The following RABL6 variants were observed in gnomAD, a reference collection of about 807,000 sequenced individuals.
The protein encoded by RABL6 is rab-like protein 6.
RABL6 carries 28 observed loss-of-function variants against 72.9 expected under a neutral mutation model. The ratio of observed to expected loss-of-function variants is 0.38; its 90% CI spans 0.28 to 0.53. RABL6 has a LOEUF of 0.53. Among genes scored for constraint, RABL6 ranks in the 20% least tolerant of loss-of-function variants. The pLI, the probability that RABL6 is intolerant of heterozygous loss-of-function variation, is 0.80. For synonymous variants in RABL6, 477 were observed against 421.2 expected (o/e 1.13, Z -1.62); for missense variants, 1,029 against 1,008.4 (o/e 1.02, Z -0.28).
intron 5 of RABL6, among the ~76,000 whole-genome samples, chr9:136,829,886 G>A (rs576420434): frequency 6.1e-4 from 93 of 152,346 alleles, no homozygotes; most frequent in African/African-American, 1.8e-3. Flanking sequence ...AGATGACAGC[G>A]AAATCAGCTA....
At chr9:136,820,200 C>CA (rs34975162) in intron 1 of RABL6, among the ~76,000 whole-genome samples, 1,123 of 77,360 alleles carry the variant, frequency 0.015, 4 homozygotes, top group Middle Eastern at 0.023. Context: ...CTCCATCTTC[C>CA]AAAAAAAAAA....
chr9:136,816,752 T>G (rs1848128307), intron 1 of RABL6, among the ~76,000 whole-genome samples: 1 of 151,342 alleles, frequency 6.6e-6, no homozygotes, highest in Non-Finnish European at 1.5e-5. Context: ...TTTAAAATAA[T>G]TAAATCAGAT....
At chr9:136,808,438 T>G in intron 1 of RABL6, 112 bp downstream of exon 1, 1 of 1,154,216 alleles carries the variant, frequency 8.7e-7, no homozygotes, top group Non-Finnish European at 1.1e-6. Context: ...GGTTGTGGGG[T>G]GCGCTGGGCC....
At chr9:136,832,158 G>T in intron 6 of RABL6, 107 bp from the exon 7 acceptor site, 1 of 1,098,564 alleles carries the variant, frequency 9.1e-7, no homozygotes, top group Non-Finnish European at 1.4e-6. Context: ...TCAGGAGCCT[G>T]CAGGAGGAGG....
intron 1 of RABL6, among the ~76,000 whole-genome samples, chr9:136,822,445 G>A (rs1848258271): frequency 6.6e-6 from 1 of 152,162 alleles, no homozygotes; most frequent in Non-Finnish European, 1.5e-5. Flanking sequence ...AGAAGCTCTC[G>A]GGGTCTGCCC....
At chr9:136,838,100 G>T in intron 10 of RABL6, 85 bp downstream of exon 10, 2 of 1,489,116 alleles carry the variant, frequency 1.3e-6, no homozygotes, top group South Asian at 2.5e-5. Context: ...CTTTCTAGGG[G>T]CGCAGAAGGG....
At position 136,839,464 on chromosome 9, in the gene RABL6, G is replaced by C; in HGVS notation, c.1736G>C (p.Gly579Ala). 1 of 1,612,490 alleles carries C rather than the reference G, an allele frequency of 6.2e-7. No individual in the cohort carries two copies. Among genetic ancestry groups the C allele is most frequent in the Non-Finnish European group, 8.5e-7 (1 of 1,179,676 alleles). Reference sequence around the variant, plus strand: ...GATGACCCCGACTTTGAGAGCGAGGGATCAGACACACAGCGCAGGGCGGTA... The same window carrying C: ...GATGACCCCGACTTTGAGAGCGAGGCATCAGACACACAGCGCAGGGCGGTA... ...VMDDPDFESE[G>A]SDTQRRADDF... The change falls in exon 12 of 15, where the codon GGA (glycine) becomes GCA (alanine). Residue 579 changes from glycine to alanine, a missense_variant. This residue lies in a region of RABL6 where 595 missense variants were observed against 472.4 expected (regional missense o/e 1.26). Transcript: ENST00000311502.
chr9:136,818,021 C>G (rs1287505982), intron 1 of RABL6, among the ~76,000 whole-genome samples: 2 of 137,670 alleles, frequency 1.5e-5, no homozygotes, highest in Admixed American at 1.6e-4. Context: ...GAGATCGCGC[C>G]GCTGCACTCC....
At position 136,821,816 on chromosome 9, in the gene RABL6, A is replaced by G. The variant is rs1848243780; in HGVS notation, c.131-1709A>G. ...TCTCCGCGGGAGAGGGAGGGGAACG[A>G]GGGCCCAGCCTTCCGCGGGGTGGGC... is the stretch of plus-strand genomic sequence containing the variant. On this transcript the variant is annotated intron_variant, in intron 1 of 14. Transcript: ENST00000311502. 4.2e-6 allele frequency: 5 copies of G among 1,181,472 alleles called. No homozygotes were observed. The East Asian group carries it at 2.1e-4, about 49-fold the overall frequency. 73.2% of individuals were successfully genotyped at this position (1,181,472 alleles called of 1,614,324 possible).
At chr9:136,836,015 G>C in intron 8 of RABL6, 170 bp downstream of exon 8, 1 of 622,296 alleles carries the variant, frequency 1.6e-6, no homozygotes, top group South Asian at 2.0e-5. Flanking sequence ...ACTGCCCCCA[G>C]CAGCCCCCCC....
chr9:136,832,878 G>A (rs1432866006), intron 7 of RABL6: 1 of 319,828 alleles, frequency 3.1e-6, no homozygotes, highest in Non-Finnish European at 6.1e-6. Context: ...ACTTTCCTTT[G>A]TAGAAACAAG....
In RABL6 at chr9:136,841,104, C is replaced by T; in HGVS notation, c.*582C>T. On this transcript the variant is annotated 3_prime_UTR_variant, in exon 15 of 15. Transcript: ENST00000311502. ...CACAGTGGCCTCAGCTGCGCCCCCG[C>T]TCAGGTGAGCCCGAAGGCAGGAGCC... The T allele has an allele frequency of 3.0e-6, 4 of 1,344,036 alleles. No homozygotes were observed. The highest frequency in any genetic ancestry group is 2.9e-6 in the Non-Finnish European group (3 of 1,034,988). 83.3% of individuals were successfully genotyped at this position (1,344,036 alleles called of 1,614,324 possible).
rs758669107 is a variant in RABL6, at chr9:136,837,892, C to T, written c.1157C>T (p.Thr386Met). 91 of 1,550,564 alleles carry T rather than the reference C, an allele frequency of 5.9e-5. No homozygotes were observed. The highest frequency in any genetic ancestry group is 2.4e-4 in the South Asian group (20 of 84,078). ...GTCCCGGCCGCAGAGGGCCCAGCAA[C>T]GGTCCAGAGTGTGGAGGACTTTGTT... ...EPVPAAEGPA[T>M]VQSVEDFVPD... The change falls in exon 10 of 15, where the codon ACG becomes ATG. Residue 386 changes from threonine (T) to methionine (M), a missense_variant. Physicochemically the swap from Thr to Met is moderately conservative, Grantham distance 81. Coordinates refer to ENST00000311502, the MANE Select transcript of RABL6 (RefSeq NM_024718.5).
Position 136,829,503 on chromosome 9 carries a change from G to C in RABL6, c.458+19G>C. ...AGCAGTGGTAAGAGGGAGCTGGCGG[G>C]GGCAGCTGCCTGTGACTCTCACCCC... is the stretch of plus-strand genomic sequence containing the variant. On this transcript the variant is annotated intron_variant, in intron 5 of 14. Coordinates refer to ENST00000311502, the MANE Select transcript of RABL6 (RefSeq NM_024718.5). The C allele has an allele frequency of 6.4e-7, 1 of 1,555,834 alleles. No homozygotes were observed. The highest frequency in any genetic ancestry group is 1.2e-5 in the South Asian group (1 of 84,696).
intron 1 of RABL6, chr9:136,808,965 A>C (rs1291246939): frequency 6.6e-6 from 1 of 152,178 alleles, no homozygotes; most frequent in African/African-American, 2.4e-5. Context: ...CGGACTCCTG[A>C]GTGCCTGGGA....
chr9:136,814,345 C>T (rs2131159122), intron 1 of RABL6: 1 of 161,444 alleles, frequency 6.2e-6, no homozygotes, highest in Non-Finnish European at 1.3e-5. Context: ...CTACGCCCGG[C>T]TAATTTTTGT....
At chr9:136,835,633 T>A (rs1848570954) in intron 7 of RABL6, 109 bp from the exon 8 acceptor site, 1 of 937,510 alleles carries the variant, frequency 1.1e-6, no homozygotes, top group Middle Eastern at 3.4e-4. Flanking sequence ...CTGCAGCATC[T>A]CCTGGTTTTG....
In RABL6 at chr9:136,808,218, C is replaced by G; in HGVS notation, c.22C>G (p.Leu8Val). Reference sequence around the variant, plus strand: ...GAAGATGTTTTCCGCCCTGAAGAAGCTGGTGGGGTCGGACCAGGCCCCGGG... The same window carrying G: ...GAAGATGTTTTCCGCCCTGAAGAAGGTGGTGGGGTCGGACCAGGCCCCGGG... MFSALKKLVGSDQAPGRD... is the reference protein window; with the variant it reads MFSALKKVVGSDQAPGRD... Residue 8 changes from leucine to valine, a missense_variant, in exon 1 of 15, where the codon CTG becomes GTG. This residue lies in a region of RABL6 where 434 missense variants were observed against 536.1 expected (regional missense o/e 0.81). Coordinates refer to ENST00000311502, the MANE Select transcript of RABL6 (RefSeq NM_024718.5). 1.3e-6 allele frequency: 2 copies of G among 1,552,694 alleles called. No homozygotes were observed. The highest frequency in any genetic ancestry group is 1.2e-5 in the South Asian group (1 of 84,610).
Position 136,839,751 on chromosome 9 carries a change from G to A in RABL6, c.1816G>A (p.Ala606Thr). ...SDVTDEDEGP[A>T]EPPPPPKLPL... ...TGTGACTGACGAGGATGAGGGCCCT[G>A]CCGAGCCGCCCCCACCCCCCAAGCT... The change falls in exon 13 of 15, where the codon GCC becomes ACC. Residue 606 changes from alanine to threonine, a missense_variant. Physicochemically the swap from Ala to Thr is moderately conservative, Grantham distance 58. Around this residue, in one of 2 missense-constraint regions of RABL6, gnomAD observed 595 missense variants for 472.4 expected, o/e 1.26. Coordinates refer to ENST00000311502, the MANE Select transcript of RABL6 (RefSeq NM_024718.5). The A allele has an allele frequency of 6.2e-7, 1 of 1,611,322 alleles. No individual in the cohort carries two copies. The highest frequency in any genetic ancestry group is 2.2e-5 in the East Asian group (1 of 44,862).
Sources: gnomAD v4.1 joint callset for allele counts (sites outside exome capture counted in the v4.1 genomes callset) on GRCh38, gnomAD v4.1.1 for gene constraint, gnomAD v4.1.1 regional missense constraint, MANE v1.5 for transcripts, NCBI Gene and HGNC (gene_info 2026-07-23, HGNC 2026-07-21) for gene names.